NCAPG: variants seen among roughly 807,000 people sequenced by gnomAD.
NCAPG encodes non-SMC condensin I complex subunit G, also known as condensin complex subunit 3.
In NCAPG, 69 loss-of-function variants were observed where a neutral mutation model predicts 113.1. The ratio of observed to expected loss-of-function variants is 0.61; its 90% CI spans 0.50 to 0.75. The LOEUF (loss-of-function observed/expected upper bound fraction) is 0.75, where lower values mean the gene tolerates loss of function less well. NCAPG is among the 30% of genes least tolerant of loss of function. The pLI is 0.00. For synonymous variants in NCAPG, 370 were observed against 415.8 expected (o/e 0.89, Z 1.34); for missense variants, 1,058 against 1,177.0 (o/e 0.90, Z 1.48).
At chr4:17,812,166 G>T in intron 1 of NCAPG, 55 bp from the exon 2 acceptor site, 1 of 1,332,330 alleles carries the variant, frequency 7.5e-7, no homozygotes, top group Non-Finnish European at 1.1e-6. Context: ...GGGTGATGTT[G>T]GGAATAAAGG....
In NCAPG at chr4:17,834,285, A is replaced by AT. The variant is rs749579000; in HGVS notation, c.1885-13dup. ...CTGAATTTACTTTTTTTGGTGGGGA[A>AT]TATCTTGATTTAGGTTTTGCAAATT... On this transcript the variant is annotated splice_polypyrimidine_tract_variant and intron_variant, in intron 13 of 20. Transcript: ENST00000251496. The AT allele has an allele frequency of 1.4e-5, 22 of 1,525,790 alleles. No homozygotes were observed. Among genetic ancestry groups the AT allele is most frequent in the Admixed American group, 2.0e-5 (1 of 50,068 alleles). The allele number at this position is 1,525,790 out of a possible 1,614,324, so 94.5% of individuals were successfully genotyped here.
intron 11 of NCAPG, among the ~76,000 whole-genome samples, chr4:17,826,000 T>C (rs1225632286): frequency 2.0e-5 from 3 of 152,116 alleles, no homozygotes; most frequent in African/African-American, 7.2e-5. Flanking sequence ...AAATTACTTT[T>C]GTGTTTTTAG....
chr4:17,812,186 G>T, intron 1 of NCAPG, 35 bp from the exon 2 acceptor site: 1 of 1,527,548 alleles, frequency 6.5e-7, no homozygotes, highest in Non-Finnish European at 9.0e-7. Flanking sequence ...GATTTTTATC[G>T]GTGCAGTTTA....
chr4:17,817,268 G>T lies in NCAPG; in HGVS notation c.783G>T (p.Val261=). Reference sequence around the variant, plus strand: ...TTTCAAATGACTCAATAGATGCTGTGAAACAAGCTATGCAGAAGCATCTTC... The same window carrying T: ...TTTCAAATGACTCAATAGATGCTGTTAAACAAGCTATGCAGAAGCATCTTC... ...QQGLNDRSDA[V]KQAMQKHLLQ... is the part of the protein sequence containing the mutation. Residue 261 remains valine (V), a synonymous_variant, in exon 6 of 21, where the codon GTG becomes GTT. Coordinates refer to ENST00000251496, the MANE Select transcript of NCAPG (RefSeq NM_022346.5). 6.2e-7 allele frequency: 1 copy of T among 1,612,602 alleles called. No individual in the cohort carries two copies. Among genetic ancestry groups the T allele is most frequent in the Non-Finnish European group, 8.5e-7 (1 of 1,179,322 alleles).
intron 8 of NCAPG, 36 bp downstream of exon 8, chr4:17,823,159 C>T (rs556559205): frequency 3.8e-6 from 6 of 1,561,442 alleles, no homozygotes; most frequent in Admixed American, 1.8e-5. Context: ...CTAATTTGCC[C>T]TTCTAATTTC....
In NCAPG at chr4:17,823,754, A is replaced by G. The variant is rs770301133; in HGVS notation, c.1367A>G (p.Asn456Ser). The change falls in exon 9 of 21, where the codon AAT becomes AGT. Residue 456 changes from asparagine (N) to serine (S), a missense_variant. Transcript: ENST00000251496. ...ERLLHIIIDD[N>S]KRTQIVTEII... ...CTACTCCACATCATTATAGATGATA[A>G]TAAGAGAACACAAATTGTAAGTAAT... The G allele has an allele frequency of 6.3e-7, 1 of 1,594,736 alleles. No individual in the cohort carries two copies. Among genetic ancestry groups the G allele is most frequent in the South Asian group, 1.1e-5 (1 of 89,274 alleles).
rs924366822 is a variant in NCAPG, at chr4:17,811,984, T to C, written c.112-237T>C. Among the ~76,000 whole-genome samples the C allele has an allele frequency of 9.9e-5, 15 of 152,236 alleles. 1 individual carries two copies. In the South Asian group the frequency reaches 1.9e-3, roughly 19 times the overall value. On this transcript the variant is annotated intron_variant, in intron 1 of 20. Transcript: ENST00000251496. This position sits in a 1 kb window ranked among gnomAD's most constrained non-coding sequence, Gnocchi z 5.3. The stretch of plus-strand genomic sequence containing the variant: ...AGAATCAAAGATATTGAAAAAAATA[T>C]ATCAAAGGAATCTTTTCACTGTCAA...
At chr4:17,833,491 G>GTT (rs923220783) in intron 13 of NCAPG, among the ~76,000 whole-genome samples, 3 of 111,616 alleles carry the variant, frequency 2.7e-5, no homozygotes, top group African/African-American at 1.1e-4. Context: ...TATTTTTGTT[G>GTT]TTGTTGTTGT....
intron 17 of NCAPG, 113 bp from the exon 18 acceptor site, chr4:17,839,958 T>C: frequency 3.5e-6 from 5 of 1,439,228 alleles, no homozygotes; most frequent in Non-Finnish European, 4.6e-6. Context: ...AGTATTTTCT[T>C]CATAAATTTC....
chr4:17,811,139 A>G lies in NCAPG; in HGVS notation c.62A>G (p.His21Arg). The change falls in exon 1 of 21, where the codon CAC (histidine) becomes CGC (arginine). Residue 21 changes from histidine to arginine, a missense_variant. Physicochemically the swap from His to Arg is conservative, Grantham distance 29. Transcript: ENST00000251496. The surrounding 1 kb of genome is among the most constrained non-coding windows in gnomAD (Gnocchi z 5.3). Reference protein sequence around the residue: ...KEAFRLAQQPHQNQAKLVVAL... With the variant: ...KEAFRLAQQPRQNQAKLVVAL... ...GCCTTTCGGCTGGCGCAGCAGCCGC[A>G]CCAGAACCAGGCGAAGCTGGTGGTG... 6.6e-7 allele frequency: 1 copy of G among 1,518,964 alleles called. No individual in the cohort carries two copies. The highest frequency in any genetic ancestry group is 1.2e-5 in the South Asian group (1 of 81,082). The allele number at this position is 1,518,964 out of a possible 1,614,324, so 94.1% of individuals were successfully genotyped here. A position where few individuals can be genotyped will look rare whatever the true frequency, so the allele number is the denominator to read the frequency against.
chr4:17,815,454 G>A (rs1577332502), intron 5 of NCAPG, 96 bp downstream of exon 5: 1 of 793,588 alleles, frequency 1.3e-6, no homozygotes, highest in Admixed American at 3.2e-5. Context: ...GGTCAAGTAA[G>A]CCTGCCAGTC....
intron 7 of NCAPG, among the ~76,000 whole-genome samples, chr4:17,822,141 C>T (rs1457421304): frequency 1.5e-5 from 2 of 135,120 alleles, no homozygotes; most frequent in Non-Finnish European, 3.2e-5. Context: ...ACTATTGTTA[C>T]AATTTTTAAA....
At chr4:17,832,979 A>G (rs1464955045) in intron 13 of NCAPG, among the ~76,000 whole-genome samples, 1 of 152,202 alleles carries the variant, frequency 6.6e-6, no homozygotes, top group African/African-American at 2.4e-5. Flanking sequence ...GTTTTGAAAA[A>G]TTGAGCCATT....
chr4:17,840,056 TG>T lies in NCAPG; in HGVS notation c.2629-14del. ...TGCGGTGTTTACAAAATGTTAATAATGTTTTCTTTTATAGCAAGTAAAAGAT... is the reference window on the plus strand; with the variant it reads ...TGCGGTGTTTACAAAATGTTAATAATTTTTCTTTTATAGCAAGTAAAAGAT... On this transcript the variant is annotated splice_polypyrimidine_tract_variant and intron_variant, in intron 17 of 20. Transcript: ENST00000251496. The T allele has an allele frequency of 1.3e-6, 2 of 1,590,670 alleles. No individual in the cohort carries two copies. The highest frequency in any genetic ancestry group is 1.7e-6 in the Non-Finnish European group (2 of 1,171,910).
chr4:17,817,259 A>T lies in NCAPG; in HGVS notation c.776-2A>T. The T allele has an allele frequency of 6.2e-7, 1 of 1,610,408 alleles. No homozygotes were observed. Among genetic ancestry groups the T allele is most frequent in the East Asian group, 2.2e-5 (1 of 44,840 alleles). ...TCACCTATGTTTCAAATGACTCAAT[A>T]GATGCTGTGAAACAAGCTATGCAGA... On this transcript the variant is annotated splice_acceptor_variant, in intron 5 of 20. Transcript: ENST00000251496. LOFTEE classifies it high-confidence loss of function.
intron 2 of NCAPG, among the ~76,000 whole-genome samples, chr4:17,812,716 T>G (rs568372206): frequency 1.6e-4 from 25 of 152,344 alleles, no homozygotes; most frequent in Non-Finnish European, 3.4e-4. Context: ...AGCAAAGACT[T>G]CTTTCAGACT....
rs369029681 is a variant in NCAPG at position 17,822,159 on chromosome 4, GAA to G, written c.1119-823_1119-822del. 6.7e-3 allele frequency among the ~76,000 whole-genome samples: 972 copies of G among 145,620 alleles called. 15 individuals are homozygous for G. The highest frequency in any genetic ancestry group is 0.023 in the African/African-American group (932 of 39,950). ...ATTGTTACAATTTTTAAAAATAAAA[GAA>G]TGATAATTAGGCATGATGAAGATTA... is the stretch of plus-strand genomic sequence containing the variant. On this transcript the variant is annotated intron_variant, in intron 7 of 20. Coordinates refer to ENST00000251496, the MANE Select transcript of NCAPG (RefSeq NM_022346.5).
chr4:17,825,267 G>T (rs917858834), intron 10 of NCAPG, 115 bp from the exon 11 acceptor site: 1 of 966,768 alleles, frequency 1.0e-6, no homozygotes, highest in Non-Finnish European at 1.5e-6. Flanking sequence ...GTTTGCATAT[G>T]CCTGACTCAT....
chr4:17,817,852 A>C, intron 6 of NCAPG, 87 bp from the exon 7 acceptor site: 1 of 1,349,836 alleles, frequency 7.4e-7, no homozygotes, highest in Non-Finnish European at 9.9e-7. Context: ...GTTTTAAAGC[A>C]AATCTTATTA....
Sources: allele counts gnomAD v4.1 joint callset (sites outside exome capture counted in the v4.1 genomes callset), GRCh38; gene constraint gnomAD v4.1.1; non-coding constraint Gnocchi (gnomAD v3.1); transcripts MANE v1.5; gene names NCBI Gene and HGNC (gene_info 2026-07-23, HGNC 2026-07-21).